PAFAH1B2: variants seen among roughly 807,000 people sequenced by gnomAD.
The protein encoded by PAFAH1B2 is platelet activating factor acetylhydrolase 1b catalytic subunit 2.
Under a neutral mutation model 28.0 loss-of-function variants are expected in PAFAH1B2, and 8 were observed. That is an observed-to-expected ratio of 0.29 (90% CI 0.17 to 0.52). The LOEUF is 0.52. Among genes scored for constraint, PAFAH1B2 ranks in the 20% least tolerant of loss-of-function variants. The pLI is 0.97. For synonymous variants in PAFAH1B2, 104 were observed against 103.2 expected (o/e 1.01, Z -0.05); for missense variants, 190 against 282.6 (o/e 0.67, Z 2.35).
At chr11:117,164,840 C>T (rs950001207) in intron 5 of PAFAH1B2, among the ~76,000 whole-genome samples, 19 of 151,976 alleles carry the variant, frequency 1.3e-4, no homozygotes, top group Non-Finnish European at 2.2e-4. Flanking sequence ...TCAAGACCAG[C>T]CTGGCCAAGA....
intron 5 of PAFAH1B2, among the ~76,000 whole-genome samples, chr11:117,165,523 C>A (rs923350503): frequency 8.5e-5 from 13 of 152,104 alleles, no homozygotes; most frequent in African/African-American, 2.9e-4. Context: ...CTTGAGCATA[C>A]AAAAATGAGT....
At position 117,168,679 on chromosome 11, in the gene PAFAH1B2, T is replaced by C; in HGVS notation, c.*980T>C. On this transcript the variant is annotated 3_prime_UTR_variant, in exon 6 of 6. Transcript: ENST00000527958. ...CCTTAAAACCTGTTAACAGTTTTTTTTGGGGGTGGGGGGATTCAGAACTCT... is the reference window on the plus strand; with the variant it reads ...CCTTAAAACCTGTTAACAGTTTTTTCTGGGGGTGGGGGGATTCAGAACTCT... The C allele has an allele frequency of 1.9e-6, 2 of 1,062,154 alleles. No homozygotes were observed. The highest frequency in any genetic ancestry group is 2.3e-6 in the Non-Finnish European group (2 of 877,268). 65.8% of individuals were successfully genotyped at this position (1,062,154 alleles called of 1,614,324 possible).
At chr11:117,160,342 T>G (rs1271561345) in intron 3 of PAFAH1B2, among the ~76,000 whole-genome samples, 1 of 152,196 alleles carries the variant, frequency 6.6e-6, no homozygotes, top group African/African-American at 2.4e-5. Flanking sequence ...CCTATTTGTA[T>G]TTGCTAATAA....
chr11:117,174,164 T>TTTTGTGTGTGTGTG (rs766588493), downstream of PAFAH1B2, among the ~76,000 whole-genome samples: 4 of 138,810 alleles, frequency 2.9e-5, no homozygotes, highest in Non-Finnish European at 6.2e-5. Context: ...TTCATGTCTT[T>TTTTGTGTGTGTGTG]TGTGTGTGTG....
At chr11:117,176,120 G>C (rs1278440143) in exon 6 of PAFAH1B2, 3 of 592,514 alleles carry the variant, frequency 5.1e-6, no homozygotes, top group Admixed American at 6.0e-5. Context: ...GTCTAGTGAG[G>C]TACTAATGGG....
chr11:117,164,348 A>G (rs1477797267), intron 5 of PAFAH1B2, among the ~76,000 whole-genome samples: 3 of 151,836 alleles, frequency 2.0e-5, no homozygotes, highest in East Asian at 1.9e-4. Flanking sequence ...CAGAGCTTAC[A>G]GTGAGCAGAG....
chr11:117,165,343 C>T (rs1034689458), intron 5 of PAFAH1B2, among the ~76,000 whole-genome samples: 10 of 84,814 alleles, frequency 1.2e-4, no homozygotes, highest in African/African-American at 3.8e-4. Context: ...GAGCAAAACT[C>T]GGTCTCAAAA....
chr11:117,165,471 A>C (rs566106107), intron 5 of PAFAH1B2, among the ~76,000 whole-genome samples: 21 of 152,304 alleles, frequency 1.4e-4, no homozygotes, highest in African/African-American at 5.1e-4. Context: ...TCATTTACTC[A>C]AAAAACCTGA....
chr11:117,159,878 A>C, intron 2 of PAFAH1B2, 56 bp from the exon 3 acceptor site: 1 of 1,300,370 alleles, frequency 7.7e-7, no homozygotes, highest in African/African-American at 1.5e-5. Context: ...AGCATGGGCC[A>C]CCACACCCAG....
chr11:117,149,180 G>A (rs1956084887), intron 1 of PAFAH1B2, among the ~76,000 whole-genome samples: 1 of 151,688 alleles, frequency 6.6e-6, no homozygotes, highest in African/African-American at 2.4e-5. Flanking sequence ...ACTGCGCCCA[G>A]CCCAAGCAAT....
intron 2 of PAFAH1B2, among the ~76,000 whole-genome samples, chr11:117,157,032 CAAAAA>C (rs201278098): frequency 1.5e-5 from 1 of 67,748 alleles, no homozygotes; most frequent in Admixed American, 1.5e-4. Context: ...CTCAAAATCT[CAAAAA>C]AGAAAAAAAA....
intron 2 of PAFAH1B2, among the ~76,000 whole-genome samples, chr11:117,156,929 C>T (rs1956267248): frequency 6.6e-6 from 1 of 151,798 alleles, no homozygotes; most frequent in African/African-American, 2.4e-5. Context: ...TAAGCCCTCC[C>T]CAGCCTGAGC....
downstream of PAFAH1B2, chr11:117,175,242 T>C (rs2029908778): frequency 2.8e-6 from 3 of 1,086,250 alleles, no homozygotes; most frequent in African/African-American, 1.6e-5. Context: ...ATCACATCCC[T>C]GAGGCCCCGA....
downstream of PAFAH1B2, chr11:117,171,103 A>T: frequency 1.0e-6 from 1 of 1,004,768 alleles, no homozygotes; most frequent in South Asian, 4.7e-5. Context: ...AAAAAAAGGG[A>T]TGGTTTTTCC....
rs373158698 is a variant in PAFAH1B2 at position 117,169,772 on chromosome 11, C to T, written c.*2073C>T. 1.1e-5 allele frequency: 12 copies of T among 1,056,532 alleles called. No homozygotes were observed. In the African/African-American group the frequency reaches 1.8e-4, roughly 16 times the overall value. The allele number at this position is 1,056,532 out of a possible 1,614,324, so 65.4% of individuals were successfully genotyped here. On this transcript the variant is annotated 3_prime_UTR_variant, in exon 6 of 6. Coordinates refer to ENST00000527958, the MANE Select transcript of PAFAH1B2 (RefSeq NM_002572.4). ...TCTTAGCTGAGGTATAGTTGTATAGCAAGAAGAATTAAGCCAGATTTTTGT... is the reference window on the plus strand; with the variant it reads ...TCTTAGCTGAGGTATAGTTGTATAGTAAGAAGAATTAAGCCAGATTTTTGT...
At chr11:117,147,356 C>T (rs1213208043) in intron 1 of PAFAH1B2, among the ~76,000 whole-genome samples, 3 of 152,222 alleles carry the variant, frequency 2.0e-5, no homozygotes, top group Admixed American at 6.5e-5. Context: ...CACCACCACC[C>T]CCAGCTAATT....
intron 4 of PAFAH1B2, among the ~76,000 whole-genome samples, chr11:117,162,830 T>C (rs1299587115): frequency 6.6e-6 from 1 of 151,970 alleles, no homozygotes; most frequent in Non-Finnish European, 1.5e-5. Flanking sequence ...TGAGTGTACC[T>C]GTGTATTTAT....
intron 2 of PAFAH1B2, among the ~76,000 whole-genome samples, chr11:117,155,683 G>A (rs1230905457): frequency 6.6e-6 from 1 of 151,872 alleles, no homozygotes; most frequent in Non-Finnish European, 1.5e-5. Flanking sequence ...TTCCAGTGTA[G>A]GAAAAATTAT....
Position 117,168,054 on chromosome 11 carries a change from A to G in PAFAH1B2, c.*355A>G, listed in dbSNP as rs1956552820. On this transcript the variant is annotated 3_prime_UTR_variant, in exon 6 of 6. Transcript: ENST00000527958. ...GATTCTTTTCTTGGCCTTTCTGTGG[A>G]TTATGTCATATATAATAATTATCAG... 1 of 1,062,372 alleles carries G rather than the reference A, an allele frequency of 9.4e-7. No individual in the cohort carries two copies. The highest frequency in any genetic ancestry group is 5.1e-5 in the East Asian group (1 of 19,446). 65.8% of individuals were successfully genotyped at this position (1,062,372 alleles called of 1,614,324 possible).
Sources: allele counts gnomAD v4.1 joint callset (sites outside exome capture counted in the v4.1 genomes callset), GRCh38; gene constraint gnomAD v4.1.1; transcripts MANE v1.5; gene names NCBI Gene and HGNC (gene_info 2026-07-23, HGNC 2026-07-21).